The following MSH3 variants were observed in gnomAD, a reference collection of about 807,000 sequenced individuals.
The protein encoded by MSH3 is DNA mismatch repair protein Msh3.
In MSH3, 106 loss-of-function variants were observed where a neutral mutation model predicts 123.3. The ratio of observed to expected loss-of-function variants is 0.86; its 90% CI spans 0.73 to 1.01. The LOEUF is 1.01. Ranked by LOEUF, MSH3 falls within the 50% of genes least tolerant of loss-of-function variation. The pLI is 0.00. For missense variants in MSH3, 1,459 were observed against 1,347.6 expected, an observed-to-expected ratio of 1.08 and a Z score of -1.29; for synonymous variants, 515 against 481.4, an observed-to-expected ratio of 1.07 and a Z score of -0.91.
chr5:80,716,332 A>G (rs545432507), intron 8 of MSH3, among the ~76,000 whole-genome samples: 3 of 152,176 alleles, frequency 2.0e-5, no homozygotes, highest in Non-Finnish European at 4.4e-5. Context: ...TTTTTGTTCT[A>G]AAGGTCGATT....
chr5:80,842,606 C>T (rs925114958), intron 20 of MSH3, among the ~76,000 whole-genome samples: 1 of 152,042 alleles, frequency 6.6e-6, no homozygotes, highest in East Asian at 1.9e-4. Flanking sequence ...TGTAGTTCTC[C>T]TTGAAGAGGT....
At chr5:80,779,454 C>T (rs1013972060) in intron 17 of MSH3, among the ~76,000 whole-genome samples, 3 of 151,986 alleles carry the variant, frequency 2.0e-5, no homozygotes, top group African/African-American at 7.2e-5. Context: ...TAACACTTTA[C>T]CCCTAAATAC....
intron 12 of MSH3, among the ~76,000 whole-genome samples, chr5:80,759,170 AT>A (rs1743987572): frequency 6.6e-6 from 1 of 152,360 alleles, no homozygotes; most frequent in African/African-American, 2.4e-5. Context: ...GGGATAAGAA[AT>A]GACCCCTGTG....
intron 19 of MSH3, among the ~76,000 whole-genome samples, chr5:80,812,110 T>A (rs1046433201): frequency 6.6e-6 from 1 of 152,150 alleles, no homozygotes; most frequent in Non-Finnish European, 1.5e-5. Flanking sequence ...TATAAAGCCA[T>A]ATGGAGCCTT....
At chr5:80,656,876 C>T (rs1749304459) in intron 2 of MSH3, among the ~76,000 whole-genome samples, 2 of 152,120 alleles carry the variant, frequency 1.3e-5, no homozygotes, top group Non-Finnish European at 2.9e-5. Flanking sequence ...ATAATCCCTC[C>T]CTTTGAGTGA....
intron 3 of MSH3, among the ~76,000 whole-genome samples, chr5:80,669,843 T>G (rs977171239): frequency 1.3e-5 from 2 of 152,244 alleles, no homozygotes; most frequent in Non-Finnish European, 2.9e-5. Flanking sequence ...TGTAAAACAT[T>G]AAGATATTTA....
intron 3 of MSH3, among the ~76,000 whole-genome samples, chr5:80,669,829 A>G (rs1411477354): frequency 6.6e-6 from 1 of 152,248 alleles, no homozygotes; most frequent in Non-Finnish European, 1.5e-5. Flanking sequence ...TTTAAAAACA[A>G]GTATGTAAAA....
chr5:80,867,949 G>T (rs1350169053), intron 22 of MSH3, among the ~76,000 whole-genome samples: 1 of 152,114 alleles, frequency 6.6e-6, no homozygotes, highest in Non-Finnish European at 1.5e-5. Context: ...GTCAGTTTTT[G>T]CTTCTGTTGC....
At chr5:80,681,175 C>A (rs192621077) in intron 8 of MSH3, among the ~76,000 whole-genome samples, 2 of 152,244 alleles carry the variant, frequency 1.3e-5, no homozygotes, top group East Asian at 3.9e-4. Context: ...TGCATCAAAT[C>A]TCTTCATTTT....
chr5:80,864,898 A>G lies in MSH3; in HGVS notation c.3086A>G (p.His1029Arg). The change falls in exon 22 of 24, where the codon CAC (histidine) becomes CGC (arginine). Residue 1029 changes from histidine to arginine, a missense_variant. His to Arg is a conservative substitution (Grantham distance 29). Coordinates refer to ENST00000265081, the MANE Select transcript of MSH3 (RefSeq NM_002439.5). ...KNYSHQVGNY[H>R]MGFLVSEDES... Reference sequence around the variant, plus strand: ...TACTCACACCAGGTGGGGAATTACCACATGGGATTCTTGGTCAGTGAGGAT... The same window carrying G: ...TACTCACACCAGGTGGGGAATTACCGCATGGGATTCTTGGTCAGTGAGGAT... 6.2e-7 allele frequency: 1 copy of G among 1,613,922 alleles called. No homozygotes were observed. Among genetic ancestry groups the G allele is most frequent in the East Asian group, 2.2e-5 (1 of 44,852 alleles).
intron 13 of MSH3, among the ~76,000 whole-genome samples, chr5:80,766,929 A>G (rs1323409979): frequency 1.3e-5 from 2 of 152,092 alleles, no homozygotes; most frequent in Non-Finnish European, 2.9e-5. Context: ...AGAATAATGT[A>G]TATCATTTAA....
intron 22 of MSH3, among the ~76,000 whole-genome samples, chr5:80,869,843 C>CACATATATAT (rs1372366874): frequency 3.2e-5 from 3 of 95,218 alleles, no homozygotes; most frequent in South Asian, 2.9e-4. Flanking sequence ...CATATATATA[C>CACATATATAT]ACACACACAC....
chr5:80,816,668 G>C (rs1470267465), intron 20 of MSH3, among the ~76,000 whole-genome samples: 2 of 152,204 alleles, frequency 1.3e-5, no homozygotes, highest in Non-Finnish European at 2.9e-5. Context: ...GAAAGGATCA[G>C]TAAGTAGCTT....
In MSH3 at chr5:80,813,624, T is replaced by C. The variant is rs1176811235; in HGVS notation, c.2696T>C (p.Met899Thr). 2 of 1,614,066 alleles carry C rather than the reference T, an allele frequency of 1.2e-6. No homozygotes were observed. The highest frequency in any genetic ancestry group is 1.7e-5 in the Admixed American group (1 of 60,012). Reference sequence around the variant, plus strand: ...GTAATGATAATTACCGGACCAAACATGGGTGGAAAGAGCTCCTACATAAAA... The same window carrying C: ...GTAATGATAATTACCGGACCAAACACGGGTGGAAAGAGCTCCTACATAAAA... ...ERVMIITGPN[M>T]GGKSSYIKQV... The change falls in exon 20 of 24, where the codon ATG becomes ACG. Residue 899 changes from methionine (M) to threonine (T), a missense_variant. Transcript: ENST00000265081.
At chr5:80,700,069 G>T (rs1245792744) in intron 8 of MSH3, among the ~76,000 whole-genome samples, 1 of 152,056 alleles carries the variant, frequency 6.6e-6, no homozygotes, top group Non-Finnish European at 1.5e-5. Flanking sequence ...TAACTATTTA[G>T]ATAATCTAGA....
Position 80,692,240 on chromosome 5 carries a change from A to G in MSH3, c.1340+13147A>G, listed in dbSNP as rs1320140124. Reference sequence around the variant, plus strand: ...TATATGTTTAGATAGATAAACATGTATATGTTTAGATAGATAGATAAACAT... The same window carrying G: ...TATATGTTTAGATAGATAAACATGTGTATGTTTAGATAGATAGATAAACAT... On this transcript the variant is annotated intron_variant, in intron 8 of 23. Coordinates refer to ENST00000265081, the MANE Select transcript of MSH3 (RefSeq NM_002439.5). Among the ~76,000 whole-genome samples, 13 of 84,906 alleles carry G rather than the reference A, an allele frequency of 1.5e-4. 1 individual carries two copies. The highest frequency in any genetic ancestry group is 5.9e-4 in the African/African-American group (12 of 20,374). The allele number at this position is 84,906 out of a possible 152,430, so 55.7% of individuals were successfully genotyped here.
rs772374232 is a variant in MSH3 at position 80,778,678 on chromosome 5, A to T, written c.2319-42A>T. 2.5e-5 allele frequency: 29 copies of T among 1,167,990 alleles called. No individual in the cohort carries two copies. The highest frequency in any genetic ancestry group is 1.3e-4 in the Admixed American group (8 of 59,438). 72.4% of individuals were successfully genotyped at this position (1,167,990 alleles called of 1,614,324 possible). On this transcript the variant is annotated intron_variant, in intron 16 of 23. Coordinates refer to ENST00000265081, the MANE Select transcript of MSH3 (RefSeq NM_002439.5). ...AAAGTGATGGCATTTCGGATTTTTT[A>T]CTAACCTTGATTTCCTATTTGTGTT...
intron 8 of MSH3, among the ~76,000 whole-genome samples, chr5:80,705,634 T>A (rs1197700654): frequency 6.6e-6 from 1 of 152,186 alleles, no homozygotes; most frequent in Admixed American, 6.5e-5. Context: ...AATTCATTAT[T>A]TCATAGTTCT....
At chr5:80,695,455 C>T (rs1750456895) in intron 8 of MSH3, among the ~76,000 whole-genome samples, 1 of 152,120 alleles carries the variant, frequency 6.6e-6, no homozygotes, top group Non-Finnish European at 1.5e-5. Flanking sequence ...CTGCCTTAGC[C>T]TCCCTAGTAG....
Sources: allele counts gnomAD v4.1 joint callset (sites outside exome capture counted in the v4.1 genomes callset), GRCh38; gene constraint gnomAD v4.1.1; transcripts MANE v1.5; gene names NCBI Gene and HGNC (gene_info 2026-07-23, HGNC 2026-07-21).